ZNF70: variants seen among roughly 807,000 people sequenced by gnomAD.
ZNF70 encodes zinc finger protein N27C7-1.
Under a neutral mutation model 37.7 loss-of-function variants are expected in ZNF70, and 18 were observed. The observed-to-expected ratio is 0.48, with a 90% CI of 0.33 to 0.71. The LOEUF (loss-of-function observed/expected upper bound fraction) is 0.71, where lower values mean the gene tolerates loss of function less well. ZNF70 is among the 30% of genes least tolerant of loss of function. ZNF70 has a pLI of 0.02. For missense variants in ZNF70, 506 were observed against 568.6 expected, an observed-to-expected ratio of 0.89 and a Z score of 1.12; for synonymous variants, 219 against 220.1, an observed-to-expected ratio of 0.99 and a Z score of 0.05.
intron 1 of ZNF70, among the ~76,000 whole-genome samples, chr22:23,747,554 G>A (rs1045121046): frequency 1.3e-5 from 2 of 152,090 alleles, no homozygotes; most frequent in Admixed American, 6.6e-5. Context: ...AGACAAGTCC[G>A]GGCGCGGTGG....
chr22:23,746,201 CTTTTTTTTTTTTTT>C (rs760293135), intron 1 of ZNF70, among the ~76,000 whole-genome samples: 3 of 114,196 alleles, frequency 2.6e-5, no homozygotes, highest in Non-Finnish European at 5.4e-5. Flanking sequence ...TGGTGGTTCC[CTTTTTTTTTTTTTT>C]TTTTTTTTTG....
chr22:23,746,673 A>C (rs902556989), intron 1 of ZNF70, among the ~76,000 whole-genome samples: 2 of 151,930 alleles, frequency 1.3e-5, no homozygotes, highest in Non-Finnish European at 2.9e-5. Context: ...GCTCACTGCA[A>C]CCTCTGCCTC....
In ZNF70 at chr22:23,742,709, C is replaced by T. The variant is rs1295667074; in HGVS notation, c.*1091G>A. 1 of 152,342 alleles carries T rather than the reference C, an allele frequency of 6.6e-6. No homozygotes were observed. Among genetic ancestry groups the T allele is most frequent in the Non-Finnish European group, 1.5e-5 (1 of 68,128 alleles). The allele number at this position is 152,342 out of a possible 1,614,324, so 9.4% of individuals were successfully genotyped here. ...GCTCACAGTTGCCAAAGCACTTTCA[C>T]AGTGGCTGTGTTCTGAATGACAGCC... On this transcript the variant is annotated 3_prime_UTR_variant, in exon 2 of 2. Transcript: ENST00000341976.
chr22:23,744,313 T>C lies in ZNF70; in HGVS notation c.828A>G (p.Leu276=), dbSNP rs1010860879. ...GLSQHRKIHT[L]KKPHECDLCG... is the part of the protein sequence containing the mutation. ...AGAGATCGCACTCGTGAGGTTTCTT[T>C]AGGGTGTGGATCTTCCGATGCTGGC... The change falls in exon 2 of 2, where the codon CTA becomes CTG. Residue 276 remains leucine (L), a synonymous_variant. Coordinates refer to ENST00000341976, the MANE Select transcript of ZNF70 (RefSeq NM_021916.4). The C allele has an allele frequency of 6.2e-7, 1 of 1,614,120 alleles. No individual in the cohort carries two copies. Among genetic ancestry groups the C allele is most frequent in the Non-Finnish European group, 8.5e-7 (1 of 1,180,006 alleles).
chr22:23,745,053 C>G lies in ZNF70; in HGVS notation c.88G>C (p.Asp30His). ...ESQQGLFPGE[D>H]LGDPFLQERG... is the part of the protein sequence containing the mutation. ...TCCTGAAGAAAAGGGTCCCCCAGGT[C>G]CTCCCCTGGGAAAAGCCCTTGTTGT... Residue 30 changes from aspartate to histidine, a missense_variant, in exon 2 of 2, where the codon GAC (aspartate) becomes CAC (histidine). Coordinates refer to ENST00000341976, the MANE Select transcript of ZNF70 (RefSeq NM_021916.4). 1 of 1,614,204 alleles carries G rather than the reference C, an allele frequency of 6.2e-7. No individual in the cohort carries two copies. The highest frequency in any genetic ancestry group is 8.5e-7 in the Non-Finnish European group (1 of 1,180,022).
In ZNF70 at chr22:23,747,445, TC is replaced by T. The variant is rs565672820; in HGVS notation, c.-79-2227del. On this transcript the variant is annotated intron_variant, in intron 1 of 1. Transcript: ENST00000341976. ...TTTCATCTCAAAACCATCCCCCATG[TC>T]CCCCACCCATTCATGGAAAAATTGT... Among the ~76,000 whole-genome samples the T allele has an allele frequency of 4.6e-4, 70 of 152,064 alleles. No homozygotes were observed. In the Middle Eastern group the frequency reaches 0.01, roughly 22 times the overall value.
intron 1 of ZNF70, among the ~76,000 whole-genome samples, chr22:23,748,591 C>T (rs971325627): frequency 1.3e-5 from 2 of 150,002 alleles, no homozygotes; most frequent in African/African-American, 2.5e-5. Flanking sequence ...GTTGCCCAGC[C>T]AGGAGTGCAA....
intron 1 of ZNF70, among the ~76,000 whole-genome samples, chr22:23,748,446 GC>G (rs1272841991): frequency 6.6e-6 from 1 of 152,188 alleles, no homozygotes; most frequent in Admixed American, 6.5e-5. Context: ...ATATTATGTT[GC>G]CCAGGCTGGT....
Position 23,743,617 on chromosome 22 carries a change from G to T in ZNF70, c.*183C>A. The T allele has an allele frequency of 1.3e-6, 1 of 796,316 alleles. No homozygotes were observed. The highest frequency in any genetic ancestry group is 1.9e-6 in the Non-Finnish European group (1 of 519,876). The allele number at this position is 796,316 out of a possible 1,614,324, so 49.3% of individuals were successfully genotyped here. A position where few individuals can be genotyped will look rare whatever the true frequency, so the allele number is the denominator to read the frequency against. On this transcript the variant is annotated 3_prime_UTR_variant, in exon 2 of 2. Transcript: ENST00000341976. ...TTCCCTTCCATGCAGAAAACCTGCT[G>T]AGAGCTGGCGTGCTTGGCCCAGGGC...
In ZNF70 at chr22:23,744,151, G is replaced by A. The variant is rs985243400; in HGVS notation, c.990C>T (p.His330=). 1 of 1,614,110 alleles carries A rather than the reference G, an allele frequency of 6.2e-7. No individual in the cohort carries two copies. The highest frequency in any genetic ancestry group is 8.5e-7 in the Non-Finnish European group (1 of 1,180,020). Residue 330 remains histidine, a synonymous_variant, in exon 2 of 2, where the codon CAC becomes CAT. Transcript: ENST00000341976. The part of the protein sequence containing the change: ...SSNLIEHRKT[H]TGEKPYKCQK... ...GGCATTTGTAGGGCTTCTCGCCAGT[G>A]TGGGTCTTGCGGTGCTCAATGAGGT...
chr22:23,747,062 T>A (rs756493086), intron 1 of ZNF70, among the ~76,000 whole-genome samples: 1 of 152,202 alleles, frequency 6.6e-6, no homozygotes. Flanking sequence ...ACAATCCCAA[T>A]GTACACAGTT....
At chr22:23,746,201 CTTTT>C (rs760293135) in intron 1 of ZNF70, among the ~76,000 whole-genome samples, 4 of 114,230 alleles carry the variant, frequency 3.5e-5, no homozygotes, top group African/African-American at 1.3e-4. Flanking sequence ...TGGTGGTTCC[CTTTT>C]TTTTTTTTTT....
chr22:23,745,771 AAAC>A (rs200758485), intron 1 of ZNF70, among the ~76,000 whole-genome samples: 80 of 152,092 alleles, frequency 5.3e-4, no homozygotes, highest in Middle Eastern at 3.4e-3. Context: ...ACTCTATCTC[AAAC>A]AACAACAACA....
chr22:23,744,381 A>T lies in ZNF70; in HGVS notation c.760T>A (p.Cys254Ser). The change falls in exon 2 of 2, where the codon TGT becomes AGT. Residue 254 changes from cysteine (C) to serine (S), a missense_variant. Coordinates refer to ENST00000341976, the MANE Select transcript of ZNF70 (RefSeq NM_021916.4). ...TTGAAGGATTTCCCACATTCCTTACACTGATAAGGTCTCTCTCCTGTATGA... is the reference window on the plus strand; with the variant it reads ...TTGAAGGATTTCCCACATTCCTTACTCTGATAAGGTCTCTCTCCTGTATGA... The part of the protein sequence containing the change: ...RIHTGERPYQ[C>S]KECGKSFNQS... 6.2e-7 allele frequency: 1 copy of T among 1,614,108 alleles called. No individual in the cohort carries two copies. The highest frequency in any genetic ancestry group is 8.5e-7 in the Non-Finnish European group (1 of 1,180,024).
At position 23,743,988 on chromosome 22, in the gene ZNF70, T is replaced by G. The variant is rs773765044; in HGVS notation, c.1153A>C (p.Ile385Leu). ...GTGTAGGGCTTCTTGCCGGTGTGGA[T>G]TCTCTGGTGCTGGATCAGCGCAGAG... ...HSSALIQHQRIHTGKKPYTCE... is the reference protein window; with the variant it reads ...HSSALIQHQRLHTGKKPYTCE... The change falls in exon 2 of 2, where the codon ATC becomes CTC. Residue 385 changes from isoleucine to leucine, a missense_variant. By Grantham distance (5) the Ile-to-Leu change is conservative. Coordinates refer to ENST00000341976, the MANE Select transcript of ZNF70 (RefSeq NM_021916.4). The G allele has an allele frequency of 6.2e-7, 1 of 1,614,200 alleles. No homozygotes were observed. Among genetic ancestry groups the G allele is most frequent in the Non-Finnish European group, 8.5e-7 (1 of 1,180,026 alleles).
At chr22:23,746,786 C>T (rs568190688) in intron 1 of ZNF70, among the ~76,000 whole-genome samples, 3 of 151,838 alleles carry the variant, frequency 2.0e-5, no homozygotes, top group Admixed American at 1.3e-4. Context: ...GAGATGAGGT[C>T]ACACTGTATT....
intron 1 of ZNF70, among the ~76,000 whole-genome samples, chr22:23,748,607 C>T (rs4820565): frequency 0.23 from 34,077 of 150,690 alleles, 3,955 homozygotes; most frequent in East Asian, 0.35. Context: ...TGCAATGGCC[C>T]AATCTCGGCT....
rs972294013 is a variant in ZNF70, at chr22:23,739,981, G to T, written c.*3819C>A. The T allele has an allele frequency of 6.6e-6, 1 of 151,762 alleles. No individual in the cohort carries two copies. The highest frequency in any genetic ancestry group is 2.4e-5 in the African/African-American group (1 of 41,298). 9.4% of individuals were successfully genotyped at this position (151,762 alleles called of 1,614,324 possible). A position where few individuals can be genotyped will look rare whatever the true frequency, so the allele number is the denominator to read the frequency against. ...CAAAAAACACCACGTCAAAACTTAC[G>T]GAGTGCAGACAAAGCTGTCACTCTA... On this transcript the variant is annotated 3_prime_UTR_variant, in exon 2 of 2. Transcript: ENST00000341976.
At position 23,747,040 on chromosome 22, in the gene ZNF70, C is replaced by G. The variant is rs970596979; in HGVS notation, c.-79-1821G>C. Among the ~76,000 whole-genome samples, 3 of 152,202 alleles carry G rather than the reference C, an allele frequency of 2.0e-5. No individual in the cohort carries two copies. In the East Asian group the frequency reaches 5.8e-4, roughly 29 times the overall value. Reference sequence around the variant, plus strand: ...CCTTCATTTCAGAATCCCCAGCCCCCAGCACAAAAGCACAATCCCAATGTA... The same window carrying G: ...CCTTCATTTCAGAATCCCCAGCCCCGAGCACAAAAGCACAATCCCAATGTA... On this transcript the variant is annotated intron_variant, in intron 1 of 1. Transcript: ENST00000341976.
Sources: gnomAD v4.1 joint callset for allele counts (sites outside exome capture counted in the v4.1 genomes callset) on GRCh38, gnomAD v4.1.1 for gene constraint, MANE v1.5 for transcripts, NCBI Gene and HGNC (gene_info 2026-07-23, HGNC 2026-07-21) for gene names.